Variants in ZNF385D observed in about 807,000 individuals in gnomAD.
ZNF385D encodes zinc finger protein 385D.
A neutral mutation model predicts 35.8 loss-of-function variants in ZNF385D; 15 were observed. The ratio of observed to expected loss-of-function variants is 0.42; its 90% confidence interval spans 0.28 to 0.64. ZNF385D has a LOEUF of 0.64. Ranked by LOEUF, ZNF385D falls within the 30% of genes least tolerant of loss-of-function variation. The pLI is 0.23. For missense variants in ZNF385D, 474 were observed against 494.6 expected (o/e 0.96, Z 0.39); for synonymous variants, 212 against 186.8 (o/e 1.13, Z -1.10).
At chr3:22,368,545 C>G (rs1327003146) in intron 2 of ZNF385D, among the ~76,000 whole-genome samples, 1 of 152,164 alleles carries the variant, frequency 6.6e-6, no homozygotes, top group Admixed American at 6.5e-5. Flanking sequence ...TTGTTTATCA[C>G]AGTTCTGGAG....
intron 2 of ZNF385D, among the ~76,000 whole-genome samples, chr3:21,591,069 G>T (rs747860940): frequency 7.9e-5 from 12 of 151,916 alleles, no homozygotes; most frequent in Non-Finnish European, 1.3e-4. Flanking sequence ...ATGGTGACAT[G>T]TGCCTGTAAT....
chr3:21,978,449 C>T (rs1174805683), intron 3 of ZNF385D, among the ~76,000 whole-genome samples: 2 of 152,146 alleles, frequency 1.3e-5, no homozygotes, highest in East Asian at 1.9e-4. Context: ...AGAAACATAA[C>T]CCAGGAACTA....
intron 2 of ZNF385D, among the ~76,000 whole-genome samples, chr3:21,647,533 C>T (rs557542509): frequency 5.9e-4 from 90 of 152,176 alleles, no homozygotes; most frequent in Middle Eastern, 3.4e-3. Flanking sequence ...TTTCAGAGCA[C>T]TTATATCTGA....
At chr3:21,530,264 C>T (rs748509144) in intron 3 of ZNF385D, among the ~76,000 whole-genome samples, 3 of 152,172 alleles carry the variant, frequency 2.0e-5, no homozygotes, top group Non-Finnish European at 4.4e-5. Context: ...TATAAATTAT[C>T]CAGCCTCAGG....
chr3:22,358,405 G>A lies in ZNF385D; in HGVS notation c.106+14045C>T, dbSNP rs553387804. Among the ~76,000 whole-genome samples, 538 of 151,944 alleles carry A rather than the reference G, an allele frequency of 3.5e-3. 2 individuals are homozygous for A. The highest frequency in any genetic ancestry group is 0.013 in the African/African-American group (519 of 41,512). The stretch of plus-strand genomic sequence containing the variant: ...AGACAGCTTCATTTTTGAACAAAAT[G>A]CAACTTTGTTCAAAAGTTGCATTCT... On this transcript the variant is annotated intron_variant, in intron 2 of 5. Coordinates refer to the ZNF385D transcript ENST00000494108.
chr3:21,777,811 T>C (rs2071345878), intron 3 of ZNF385D: 1 of 151,920 alleles, frequency 6.6e-6, no homozygotes, highest in African/African-American at 2.4e-5. Context: ...CTTTCTTATG[T>C]CTCTGGCATC....
At chr3:21,964,354 C>T (rs2125325265) in intron 3 of ZNF385D, among the ~76,000 whole-genome samples, 2 of 137,364 alleles carry the variant, frequency 1.5e-5, no homozygotes. Flanking sequence ...TGAGCTCTTC[C>T]ATAGCACTTG....
chr3:22,256,572 T>C (rs189898427), intron 2 of ZNF385D, among the ~76,000 whole-genome samples: 64 of 152,012 alleles, frequency 4.2e-4, no homozygotes, highest in African/African-American at 1.5e-3. Flanking sequence ...GGCAATATAA[T>C]TTCTGTCTAC....
chr3:21,662,067 A>G (rs1010362828), intron 2 of ZNF385D, among the ~76,000 whole-genome samples: 2 of 152,140 alleles, frequency 1.3e-5, no homozygotes, highest in African/African-American at 4.8e-5. Context: ...CCAGGCAGAG[A>G]GTCTCTGATC....
chr3:21,636,843 G>A (rs1454876393), intron 2 of ZNF385D, among the ~76,000 whole-genome samples: 1 of 151,996 alleles, frequency 6.6e-6, no homozygotes, highest in Non-Finnish European at 1.5e-5. Context: ...GCATCTTCCT[G>A]ATCATTAGTG....
chr3:21,755,737 C>T (rs1023059161), upstream of ZNF385D, among the ~76,000 whole-genome samples: 2 of 152,108 alleles, frequency 1.3e-5, no homozygotes, highest in Non-Finnish European at 2.9e-5. Context: ...ACAAATCCAT[C>T]GTTTAATGAA....
In ZNF385D at chr3:21,787,982, A is replaced by G. The variant is rs889320781; in HGVS notation, c.326-122954T>C. Among the ~76,000 whole-genome samples the G allele has an allele frequency of 4.8e-5, 5 of 103,280 alleles. No individual in the cohort carries two copies. The East Asian group carries it at 1.1e-3, about 22-fold the overall frequency. 67.8% of individuals were successfully genotyped at this position (103,280 alleles called of 152,430 possible). A position where few individuals can be genotyped will look rare whatever the true frequency, so the allele number is the denominator to read the frequency against. ...AAAAAAAAAAAAAAAAAAAAAAAAA[A>G]GAGAGAGAGAGAGCAATAGTTAATA... On this transcript the variant is annotated intron_variant, in intron 3 of 5. Transcript: ENST00000494108.
chr3:21,813,632 T>G (rs2073027698), intron 3 of ZNF385D, among the ~76,000 whole-genome samples: 1 of 151,856 alleles, frequency 6.6e-6, no homozygotes, highest in Non-Finnish European at 1.5e-5. Context: ...TGAAATGAAG[T>G]GAGAAGAGAA....
intron 1 of ZNF385D, among the ~76,000 whole-genome samples, chr3:21,684,148 A>C (rs1387359073): frequency 1.3e-5 from 2 of 149,558 alleles, no homozygotes; most frequent in Non-Finnish European, 3.0e-5. Flanking sequence ...ACTGCCAAAC[A>C]TCACTGTCTC....
rs2620553 is a variant in ZNF385D at position 22,082,826 on chromosome 3, A to T, written c.325+85991T>A. 5.3e-5 allele frequency among the ~76,000 whole-genome samples: 8 copies of T among 152,052 alleles called. No individual in the cohort carries two copies. The East Asian group carries it at 1.6e-3, about 30-fold the overall frequency. On this transcript the variant is annotated intron_variant, in intron 3 of 5. Transcript: ENST00000494108. ...GGGGCCGACTGACACCTCATACAGC[A>T]AGATGCCCCTCTGAGACGAAGCTTC...
chr3:22,200,858 G>C (rs1696743204), intron 2 of ZNF385D, among the ~76,000 whole-genome samples: 1 of 152,128 alleles, frequency 6.6e-6, no homozygotes, highest in African/African-American at 2.4e-5. Context: ...GAGAAATATG[G>C]CTCTGTTCCA....
chr3:21,771,973 T>G (rs2071095598), intron 3 of ZNF385D, among the ~76,000 whole-genome samples: 1 of 151,950 alleles, frequency 6.6e-6, no homozygotes, highest in Non-Finnish European at 1.5e-5. Flanking sequence ...GACAATTCAA[T>G]GAGGAACAAG....
chr3:21,992,845 C>G (rs1205675640), intron 3 of ZNF385D, among the ~76,000 whole-genome samples: 1 of 152,096 alleles, frequency 6.6e-6, no homozygotes, highest in Non-Finnish European at 1.5e-5. Flanking sequence ...CAATAAAAAT[C>G]TTCATGTGTA....
At position 21,602,169 on chromosome 3, in the gene ZNF385D, T is replaced by C. The variant is rs946540664; in HGVS notation, c.166-37485A>G. 3.3e-5 allele frequency among the ~76,000 whole-genome samples: 5 copies of C among 152,078 alleles called. No homozygotes were observed. In the South Asian group the frequency reaches 6.2e-4, roughly 19 times the overall value. On this transcript the variant is annotated intron_variant, in intron 2 of 7. Coordinates refer to ENST00000281523, the MANE Select transcript of ZNF385D (RefSeq NM_024697.3). ...AAACTATCAGCTCTCCTGGGACTTATTCACTACCAGGAGAACAGTATGGGG... is the reference window on the plus strand; with the variant it reads ...AAACTATCAGCTCTCCTGGGACTTACTCACTACCAGGAGAACAGTATGGGG...
Sources: gnomAD v4.1 joint callset for allele counts (sites outside exome capture counted in the v4.1 genomes callset) on GRCh38, gnomAD v4.1.1 for gene constraint, MANE v1.5 for transcripts, NCBI Gene and HGNC (gene_info 2026-07-23, HGNC 2026-07-21) for gene names.